The following DPP10 variants were observed in gnomAD, a reference collection of about 807,000 sequenced individuals.
DPP10 encodes dipeptidyl peptidase like 10.
Under a neutral mutation model 120.9 loss-of-function variants are expected in DPP10, and 33 were observed. The observed-to-expected ratio is 0.27, with a 90% confidence interval of 0.21 to 0.37. DPP10 has a LOEUF of 0.37. DPP10 is among the 10% of genes least tolerant of loss of function. The pLI is 1.00. For missense variants in DPP10, 816 were observed against 942.8 expected (o/e 0.87, Z 1.76); for synonymous variants, 337 against 326.1 (o/e 1.03, Z -0.36).
intron 1 of DPP10, among the ~76,000 whole-genome samples, chr2:115,168,923 ATTGTT>A (rs749824389): frequency 1.2e-4 from 18 of 152,202 alleles, no homozygotes; most frequent in Non-Finnish European, 2.4e-4. Context: ...AATATTTTGA[ATTGTT>A]CTGTTCTGTA....
intron 1 of DPP10, among the ~76,000 whole-genome samples, chr2:115,095,749 A>T (rs1709689064): frequency 6.6e-6 from 1 of 152,156 alleles, no homozygotes. Flanking sequence ...GAAATAAATT[A>T]ACTTTAGTCA....
At chr2:115,151,314 A>T (rs2051534508) in intron 1 of DPP10, among the ~76,000 whole-genome samples, 1 of 151,246 alleles carries the variant, frequency 6.6e-6, no homozygotes, top group Admixed American at 6.6e-5. Context: ...TCTTAATTTT[A>T]CTTCGTGTTG....
At chr2:115,617,948 A>G (rs72945990) in intron 5 of DPP10, among the ~76,000 whole-genome samples, 2,846 of 152,252 alleles carry the variant, frequency 0.019, 100 homozygotes, top group African/African-American at 0.064. Flanking sequence ...CTCTCTCTCT[A>G]ATTTTATTGT....
intron 1 of DPP10, among the ~76,000 whole-genome samples, chr2:115,164,219 T>A (rs2052658637): frequency 6.6e-6 from 1 of 152,122 alleles, no homozygotes; most frequent in Non-Finnish European, 1.5e-5. Context: ...CAGGAAATAC[T>A]CATATCTAGC....
intron 4 of DPP10, among the ~76,000 whole-genome samples, chr2:115,514,477 A>G (rs1177237523): frequency 2.0e-5 from 3 of 151,696 alleles, no homozygotes; most frequent in African/African-American, 7.2e-5. Flanking sequence ...TTAAATTATA[A>G]TTTTAATAAA....
chr2:114,887,366 G>A (rs1373207237), intron 1 of DPP10, among the ~76,000 whole-genome samples: 3 of 152,134 alleles, frequency 2.0e-5, no homozygotes, highest in African/African-American at 7.2e-5. Flanking sequence ...TTTGCCTAAG[G>A]ATTATGTCCT....
chr2:115,807,768 A>G (rs1024203852), intron 19 of DPP10, among the ~76,000 whole-genome samples: 1 of 148,496 alleles, frequency 6.7e-6, no homozygotes, highest in Non-Finnish European at 1.5e-5. Context: ...TATTAATGCA[A>G]AATACCCAAA....
intron 11 of DPP10, among the ~76,000 whole-genome samples, chr2:115,760,440 G>A (rs1679975801): frequency 6.6e-6 from 1 of 152,322 alleles, no homozygotes; most frequent in Admixed American, 6.5e-5. Context: ...AGGAGCATGA[G>A]TTAATGTTTT....
intron 5 of DPP10, among the ~76,000 whole-genome samples, chr2:115,583,078 A>G (rs1457003139): frequency 6.6e-6 from 1 of 152,218 alleles, no homozygotes. Context: ...TAAATCCAAC[A>G]AACAAAGAGA....
intron 11 of DPP10, 84 bp downstream of exon 11, chr2:115,753,381 C>CA (rs1188881366): frequency 4.0e-5 from 52 of 1,313,144 alleles, no homozygotes; most frequent in African/African-American, 8.9e-5. Context: ...ATGCTTTGTA[C>CA]AAAAAAAATT....
At chr2:114,610,369 C>T (rs1273298105) in intron 1 of DPP10, among the ~76,000 whole-genome samples, 1 of 152,068 alleles carries the variant, frequency 6.6e-6, no homozygotes, top group East Asian at 1.9e-4. Flanking sequence ...AACGGATATC[C>T]TAATGTGACC....
intron 1 of DPP10, among the ~76,000 whole-genome samples, chr2:114,540,004 A>G (rs1267835782): frequency 6.6e-6 from 1 of 152,186 alleles, no homozygotes; most frequent in African/African-American, 2.4e-5. Context: ...CATTTTCAGC[A>G]TACAACATAT....
chr2:114,643,368 C>A (rs1215076843), intron 1 of DPP10, among the ~76,000 whole-genome samples: 2 of 151,882 alleles, frequency 1.3e-5, no homozygotes, highest in Non-Finnish European at 2.9e-5. Context: ...ACAAATGGTG[C>A]AACCCATGCA....
At chr2:114,669,763 T>C (rs1223999603) in intron 1 of DPP10, among the ~76,000 whole-genome samples, 2 of 152,200 alleles carry the variant, frequency 1.3e-5, no homozygotes, top group East Asian at 3.9e-4. Context: ...GGCCATTTTT[T>C]TTATTATTAC....
intron 1 of DPP10, among the ~76,000 whole-genome samples, chr2:115,220,330 A>C (rs1239515726): frequency 6.6e-6 from 1 of 152,178 alleles, no homozygotes; most frequent in South Asian, 2.1e-4. Context: ...CAGTGATACA[A>C]AAAATAGTAT....
chr2:115,737,113 CGTT>C (rs1393419393), intron 8 of DPP10, among the ~76,000 whole-genome samples: 3 of 152,096 alleles, frequency 2.0e-5, no homozygotes, highest in Non-Finnish European at 2.9e-5. Context: ...AATTCCAGCT[CGTT>C]GTTGTACATC....
intron 1 of DPP10, among the ~76,000 whole-genome samples, chr2:114,522,308 A>T (rs117736654): frequency 0.013 from 1,906 of 152,246 alleles, 55 homozygotes; most frequent in East Asian, 0.11. Flanking sequence ...ATACCCAGTC[A>T]AGCTGTTCTT....
intron 1 of DPP10, among the ~76,000 whole-genome samples, chr2:114,897,141 T>C (rs1574440598): frequency 6.6e-6 from 1 of 152,242 alleles, no homozygotes; most frequent in South Asian, 2.1e-4. Context: ...GGTTTGCCAG[T>C]ATTTTATTGA....
chr2:115,773,948 T>C (rs191637372), intron 13 of DPP10, among the ~76,000 whole-genome samples: 1 of 152,212 alleles, frequency 6.6e-6, no homozygotes, highest in East Asian at 1.9e-4. Context: ...CCCCATACCA[T>C]ATTTGCCCTG....
Sources: allele counts gnomAD v4.1 joint callset (sites outside exome capture counted in the v4.1 genomes callset), GRCh38; gene constraint gnomAD v4.1.1; transcripts MANE v1.5; gene names NCBI Gene and HGNC (gene_info 2026-07-23, HGNC 2026-07-21).